Variants in PPM1H observed in about 807,000 individuals in gnomAD.
The protein encoded by PPM1H is protein phosphatase, Mg2+/Mn2+ dependent 1H, also known as protein phosphatase 1H.
A neutral mutation model predicts 54.9 loss-of-function variants in PPM1H; 27 were observed. The ratio of observed to expected loss-of-function variants is 0.49; its 90% CI spans 0.36 to 0.68. PPM1H has a LOEUF of 0.68. PPM1H is among the 30% of genes least tolerant of loss of function. PPM1H has a pLI of 0.00. For missense variants in PPM1H, 596 were observed against 667.8 expected, an observed-to-expected ratio of 0.89 and a Z score of 1.19; for synonymous variants, 305 against 270.8, an observed-to-expected ratio of 1.13 and a Z score of -1.24.
intron 4 of PPM1H, among the ~76,000 whole-genome samples, chr12:62,738,169 A>G (rs1408264728): frequency 1.3e-5 from 2 of 152,166 alleles, no homozygotes; most frequent in African/African-American, 2.4e-5. Flanking sequence ...TGTTACTCCA[A>G]TGATGCTGTG....
At chr12:62,723,654 A>C (rs1336853723) in intron 5 of PPM1H, among the ~76,000 whole-genome samples, 1 of 152,184 alleles carries the variant, frequency 6.6e-6, no homozygotes, top group Non-Finnish European at 1.5e-5. Flanking sequence ...GGCTTCCCAG[A>C]CCCCAGAACT....
At chr12:62,737,459 T>A (rs2076356985) in intron 5 of PPM1H, 43 bp downstream of exon 5, 3 of 1,375,880 alleles carry the variant, frequency 2.2e-6, no homozygotes, top group African/African-American at 1.5e-5. Flanking sequence ...TCCGATGCCA[T>A]CCCTGATGCC....
At chr12:62,846,573 A>C (rs535270882) in intron 1 of PPM1H, among the ~76,000 whole-genome samples, 2 of 151,458 alleles carry the variant, frequency 1.3e-5, no homozygotes, top group Non-Finnish European at 2.9e-5. Flanking sequence ...GGCCCTCTGA[A>C]TATCCTCAGC....
intron 2 of PPM1H, among the ~76,000 whole-genome samples, chr12:62,808,725 C>T (rs1175619083): frequency 2.0e-5 from 3 of 152,146 alleles, no homozygotes; most frequent in African/African-American, 7.2e-5. Flanking sequence ...TCATCTCCTT[C>T]CAGAAGCCCC....
Position 62,698,117 on chromosome 12 carries a change from G to A in PPM1H, c.1074-4118C>T, listed in dbSNP as rs78476627. 3.1e-3 allele frequency among the ~76,000 whole-genome samples: 466 copies of A among 151,688 alleles called. 6 individuals are homozygous for A. Among genetic ancestry groups the A allele is most frequent in the East Asian group, 0.014 (74 of 5,166 alleles). ...CAAAGCTGTAAAAAAAAAAGCCACT[G>A]TTGGTTTGGACTTCCTGGAAGGAGC... On this transcript the variant is annotated intron_variant, in intron 6 of 9. Coordinates refer to ENST00000228705, the MANE Select transcript of PPM1H (RefSeq NM_020700.2).
intron 1 of PPM1H, among the ~76,000 whole-genome samples, chr12:62,863,654 C>T (rs761315430): frequency 3.9e-5 from 6 of 152,170 alleles, no homozygotes; most frequent in Non-Finnish European, 7.3e-5. Flanking sequence ...CTGACTCTTA[C>T]TATAGGCACT....
At chr12:62,708,356 C>A (rs1442180110) in intron 6 of PPM1H, among the ~76,000 whole-genome samples, 1 of 152,238 alleles carries the variant, frequency 6.6e-6, no homozygotes, top group East Asian at 1.9e-4. Flanking sequence ...GAAACCATCA[C>A]CACAGCTGAT....
At chr12:62,670,386 A>G (rs1387882482) in intron 8 of PPM1H, among the ~76,000 whole-genome samples, 6 of 152,196 alleles carry the variant, frequency 3.9e-5, no homozygotes, top group African/African-American at 1.4e-4. Flanking sequence ...TGGATGTCTC[A>G]ATCTTATGCT....
intron 7 of PPM1H, among the ~76,000 whole-genome samples, chr12:62,690,138 G>GA (rs917150570): frequency 6.6e-6 from 1 of 152,116 alleles, no homozygotes; most frequent in East Asian, 1.9e-4. Flanking sequence ...TACAGCTGCA[G>GA]AAATCAGTTC....
chr12:62,754,611 G>T (rs919668125), intron 4 of PPM1H, among the ~76,000 whole-genome samples: 2 of 152,166 alleles, frequency 1.3e-5, no homozygotes, highest in Non-Finnish European at 2.9e-5. Context: ...CCTTATGAGG[G>T]CTAGTGAAAG....
chr12:62,694,546 A>G (rs1473992776), intron 6 of PPM1H, among the ~76,000 whole-genome samples: 1 of 152,234 alleles, frequency 6.6e-6, no homozygotes, highest in Admixed American at 6.5e-5. Flanking sequence ...ACACAGAAAG[A>G]ACCTTCAGTT....
At chr12:62,678,138 G>A (rs1009563415) in intron 8 of PPM1H, among the ~76,000 whole-genome samples, 1 of 152,066 alleles carries the variant, frequency 6.6e-6, no homozygotes, top group South Asian at 2.1e-4. Context: ...TTAGAGACAG[G>A]GTCTCACTAT....
chr12:62,853,644 C>T (rs1214300621), intron 1 of PPM1H, among the ~76,000 whole-genome samples: 1 of 152,118 alleles, frequency 6.6e-6, no homozygotes, highest in African/African-American at 2.4e-5. Context: ...AAGGCCAACA[C>T]TGCTAGTTCT....
chr12:62,884,650 C>A (rs1870522381), intron 1 of PPM1H, among the ~76,000 whole-genome samples: 1 of 152,100 alleles, frequency 6.6e-6, no homozygotes. Flanking sequence ...AAAGCTGGTT[C>A]TGAACAAAGC....
intron 1 of PPM1H, among the ~76,000 whole-genome samples, chr12:62,907,224 A>G (rs956762061): frequency 6.6e-6 from 1 of 152,238 alleles, no homozygotes; most frequent in African/African-American, 2.4e-5. Context: ...GAGAAAGGCA[A>G]CAAAGCAAAT....
intron 4 of PPM1H, among the ~76,000 whole-genome samples, chr12:62,751,430 G>A (rs2076442150): frequency 1.3e-5 from 2 of 152,206 alleles, no homozygotes; most frequent in African/African-American, 4.8e-5. Flanking sequence ...TCGCTTTCAC[G>A]CATTTAAAAT....
intron 2 of PPM1H, among the ~76,000 whole-genome samples, chr12:62,816,013 T>C (rs983000480): frequency 1.3e-5 from 2 of 152,220 alleles, no homozygotes; most frequent in African/African-American, 2.4e-5. Context: ...CTAACTCCCA[T>C]ATCAAAAGAG....
At chr12:62,824,033 A>T (rs979042108) in intron 2 of PPM1H, among the ~76,000 whole-genome samples, 7 of 151,312 alleles carry the variant, frequency 4.6e-5, no homozygotes, top group Admixed American at 1.3e-4. Flanking sequence ...CCTTAAGCTG[A>T]TAGGCAACTT....
At chr12:62,920,938 G>T (rs531657103) in intron 1 of PPM1H, among the ~76,000 whole-genome samples, 68 of 151,730 alleles carry the variant, frequency 4.5e-4, no homozygotes, top group East Asian at 1.2e-3. Flanking sequence ...ATTTATTTAT[G>T]TATTGAGACA....
Sources: gnomAD v4.1 joint callset for allele counts (sites outside exome capture counted in the v4.1 genomes callset) on GRCh38, gnomAD v4.1.1 for gene constraint, MANE v1.5 for transcripts, NCBI Gene and HGNC (gene_info 2026-07-23, HGNC 2026-07-21) for gene names.